BTBD9: variants seen among roughly 807,000 people sequenced by gnomAD.
The protein encoded by BTBD9 is BTB/POZ domain-containing protein 9.
In BTBD9, 49 loss-of-function variants were observed where a neutral mutation model predicts 64.3. That is an observed-to-expected ratio of 0.76 (90% CI 0.61 to 0.97). The LOEUF (loss-of-function observed/expected upper bound fraction) is 0.97. BTBD9 is among the 50% of genes least tolerant of loss of function. The pLI, the probability that BTBD9 is intolerant of heterozygous loss-of-function variation, is 0.00. For missense variants in BTBD9, 598 were observed against 762.1 expected (o/e 0.78, Z 2.53); for synonymous variants, 260 against 274.7 (o/e 0.95, Z 0.53).
chr6:38,563,578 A>G lies in BTBD9; in HGVS notation c.1154+14022T>C, dbSNP rs200322398. ...AGCTGCATTTTTGATAGACTACCAC[A>G]AGCTCTTTAACGTGCCCCACACACA... On this transcript the variant is annotated intron_variant, in intron 6 of 10. Transcript: ENST00000481247. Among the ~76,000 whole-genome samples the G allele has an allele frequency of 4.6e-5, 7 of 152,082 alleles. No individual in the cohort carries two copies. The East Asian group carries it at 1.2e-3, about 25-fold the overall frequency.
intron 9 of BTBD9, 41 bp downstream of exon 9, chr6:38,256,368 T>G: frequency 6.9e-7 from 1 of 1,451,448 alleles, no homozygotes; most frequent in Non-Finnish European, 9.7e-7. Context: ...GGGAAGACTG[T>G]CTTTTCAATA....
intron 6 of BTBD9, among the ~76,000 whole-genome samples, chr6:38,566,450 G>A (rs1045975815): frequency 2.0e-5 from 3 of 152,018 alleles, no homozygotes; most frequent in African/African-American, 7.2e-5. Context: ...AGAAATCAAT[G>A]GTAAAAAGGA....
At chr6:38,616,271 G>C (rs1562424519) in intron 1 of BTBD9, among the ~76,000 whole-genome samples, 1 of 152,160 alleles carries the variant, frequency 6.6e-6, no homozygotes, top group Non-Finnish European at 1.5e-5. Context: ...TTATAACCCT[G>C]CTGACACTTT....
At chr6:38,302,899 G>A (rs1762468315) in intron 7 of BTBD9, among the ~76,000 whole-genome samples, 1 of 152,038 alleles carries the variant, frequency 6.6e-6, no homozygotes, top group South Asian at 2.1e-4. Context: ...GATTAGTGAT[G>A]CTGAGTATTT....
chr6:38,414,834 C>T (rs1165232607), intron 6 of BTBD9, among the ~76,000 whole-genome samples: 3 of 152,080 alleles, frequency 2.0e-5, no homozygotes, highest in South Asian at 2.1e-4. Context: ...GAGTTGTGCC[C>T]GGCTTTCTCC....
At chr6:38,628,892 G>A (rs767564886) in intron 1 of BTBD9, among the ~76,000 whole-genome samples, 40 of 152,084 alleles carry the variant, frequency 2.6e-4, no homozygotes, top group Non-Finnish European at 5.0e-4. Flanking sequence ...TCCAGGGAAG[G>A]GGTAGGGAAA....
chr6:38,388,219 C>CA (rs35755281), intron 6 of BTBD9, among the ~76,000 whole-genome samples: 12,265 of 102,484 alleles, frequency 0.12, 1,684 homozygotes, highest in African/African-American at 0.35. Context: ...CTGCCCCTGA[C>CA]AAAAAAAAAA....
At chr6:38,413,965 C>G (rs1053490654) in intron 6 of BTBD9, among the ~76,000 whole-genome samples, 14 of 152,042 alleles carry the variant, frequency 9.2e-5, no homozygotes, top group Admixed American at 9.2e-4. Context: ...GTAAAGTGTT[C>G]TGCACAATGC....
At chr6:38,485,673 C>G (rs1465621635) in intron 6 of BTBD9, among the ~76,000 whole-genome samples, 1 of 152,164 alleles carries the variant, frequency 6.6e-6, no homozygotes, top group Non-Finnish European at 1.5e-5. Flanking sequence ...GTGCAGTCAT[C>G]CAGGCTTTGT....
At chr6:38,459,795 CA>C (rs1769990282) in intron 6 of BTBD9, among the ~76,000 whole-genome samples, 1 of 152,176 alleles carries the variant, frequency 6.6e-6, no homozygotes, top group African/African-American at 2.4e-5. Context: ...CACACAGGTA[CA>C]TTTAATTTGC....
At chr6:38,319,012 C>A (rs754588603) in intron 7 of BTBD9, among the ~76,000 whole-genome samples, 2 of 152,214 alleles carry the variant, frequency 1.3e-5, no homozygotes, top group Non-Finnish European at 2.9e-5. Context: ...TTGCCCCAGC[C>A]AGAGGGGTCT....
intron 7 of BTBD9, among the ~76,000 whole-genome samples, chr6:38,334,199 G>A (rs986701827): frequency 5.3e-5 from 8 of 152,204 alleles, no homozygotes; most frequent in African/African-American, 1.9e-4. Flanking sequence ...ATGCATTCAA[G>A]ATATGTCCTG....
At chr6:38,374,296 T>TATATAC (rs1491482634) in intron 6 of BTBD9, among the ~76,000 whole-genome samples, 1 of 70,650 alleles carries the variant, frequency 1.4e-5, no homozygotes, top group Non-Finnish European at 2.4e-5. Context: ...TATATATATA[T>TATATAC]GTATATATAT....
At chr6:38,270,070 GCAGCTAGACCTTGCGA>G (rs1286548396) in intron 8 of BTBD9, among the ~76,000 whole-genome samples, 2 of 152,208 alleles carry the variant, frequency 1.3e-5, no homozygotes, top group Non-Finnish European at 1.5e-5. Context: ...AGGCCCTGCT[GCAGCTAGACCTTGCGA>G]CATTGACTCA....
Position 38,170,137 on chromosome 6 carries a change from G to A in BTBD9, c.*4848C>T, listed in dbSNP as rs1277328761. The A allele has an allele frequency of 6.6e-6, 1 of 152,246 alleles. No individual in the cohort carries two copies. Among genetic ancestry groups the A allele is most frequent in the Non-Finnish European group, 1.5e-5 (1 of 68,060 alleles). 9.4% of individuals were successfully genotyped at this position (152,246 alleles called of 1,614,324 possible). A position where few individuals can be genotyped will look rare whatever the true frequency, so the allele number is the denominator to read the frequency against. ...GGCACCTGGCCCCTTCCGCGAGGTT[G>A]GAGCATTATGCCAGGAACAGGTGTT... On this transcript the variant is annotated 3_prime_UTR_variant, in exon 11 of 11. Transcript: ENST00000481247.
At chr6:38,472,530 T>TA (rs1281422066) in intron 6 of BTBD9, among the ~76,000 whole-genome samples, 1 of 151,852 alleles carries the variant, frequency 6.6e-6, no homozygotes, top group Non-Finnish European at 1.5e-5. Flanking sequence ...TTATATAACT[T>TA]AAAAAAAATT....
intron 7 of BTBD9, among the ~76,000 whole-genome samples, chr6:38,328,777 C>G (rs1763547728): frequency 6.6e-6 from 1 of 151,924 alleles, no homozygotes; most frequent in Non-Finnish European, 1.5e-5. Flanking sequence ...GAAACCCCGT[C>G]TCCATTAAAA....
At chr6:38,274,824 A>G (rs1242771635) in intron 8 of BTBD9, among the ~76,000 whole-genome samples, 1 of 152,040 alleles carries the variant, frequency 6.6e-6, no homozygotes, top group African/African-American at 2.4e-5. Context: ...CATCAAGGAT[A>G]TTGGTCTAAA....
chr6:38,349,830 G>A (rs946677689), intron 6 of BTBD9, among the ~76,000 whole-genome samples: 4 of 152,080 alleles, frequency 2.6e-5, no homozygotes, highest in African/African-American at 9.7e-5. Flanking sequence ...ACCACAGTAT[G>A]GGGTCTATGG....
Sources: allele counts gnomAD v4.1 joint callset (sites outside exome capture counted in the v4.1 genomes callset), GRCh38; gene constraint gnomAD v4.1.1; transcripts MANE v1.5; gene names NCBI Gene and HGNC (gene_info 2026-07-23, HGNC 2026-07-21).